CCAR1: variants seen among roughly 807,000 people sequenced by gnomAD.
CCAR1 encodes the protein cell division cycle and apoptosis regulator 1.
In CCAR1, 78 loss-of-function variants were observed where a neutral mutation model predicts 163.8. The observed-to-expected ratio is 0.48, with a 90% CI of 0.40 to 0.57. CCAR1 has a LOEUF of 0.57. CCAR1 is among the 20% of genes least tolerant of loss of function. The pLI is 0.00. For missense variants in CCAR1, 1,019 were observed against 1,365.2 expected (o/e 0.75, Z 4.00); for synonymous variants, 443 against 460.7 (o/e 0.96, Z 0.49).
intron 2 of CCAR1, among the ~76,000 whole-genome samples, chr10:68,724,134 G>A (rs1382527851): frequency 6.8e-6 from 1 of 146,390 alleles, no homozygotes; most frequent in East Asian, 2.1e-4. Flanking sequence ...CTCCAGCCTG[G>A]GCAACAAGAG....
chr10:68,756,562 A>G lies in CCAR1; in HGVS notation c.1836+79A>G. 1 of 1,078,462 alleles carries G rather than the reference A, an allele frequency of 9.3e-7. No individual in the cohort carries two copies. Among genetic ancestry groups the G allele is most frequent in the Non-Finnish European group, 1.4e-6 (1 of 717,286 alleles). The allele number at this position is 1,078,462 out of a possible 1,614,324, so 66.8% of individuals were successfully genotyped here. A position where few individuals can be genotyped will look rare whatever the true frequency, so the allele number is the denominator to read the frequency against. ...CAGGCACAAATGCACACCACACACT[A>G]CATAATAAACACACATGGAGGAACA... On this transcript the variant is annotated intron_variant, in intron 14 of 24. Transcript: ENST00000265872. This position sits in a 1 kb window ranked among gnomAD's most constrained non-coding sequence, Gnocchi z 5.1.
At chr10:68,758,503 AGTGTGTGT>A (rs71028777) in intron 15 of CCAR1, among the ~76,000 whole-genome samples, 2,529 of 124,580 alleles carry the variant, frequency 0.02, 90 homozygotes, top group African/African-American at 0.07. Context: ...CATCCTGGGC[AGTGTGTGT>A]GTGTGTGTGT....
chr10:68,735,756 A>T (rs1340340576), intron 2 of CCAR1: 1 of 152,216 alleles, frequency 6.6e-6, no homozygotes, highest in Admixed American at 6.6e-5. Flanking sequence ...GAAGGGGAAG[A>T]GTAGAACAAG....
chr10:68,745,917 A>G (rs2133343059), intron 6 of CCAR1, among the ~76,000 whole-genome samples: 1 of 152,272 alleles, frequency 6.6e-6, no homozygotes, highest in Admixed American at 6.5e-5. Context: ...CGTTAGAGGC[A>G]TGAACCACTG....
At chr10:68,782,262 G>T (rs1215682953) in intron 19 of CCAR1, among the ~76,000 whole-genome samples, 1 of 152,164 alleles carries the variant, frequency 6.6e-6, no homozygotes, top group Non-Finnish European at 1.5e-5. Context: ...GATTCATGAG[G>T]TTTAAGGAAA....
intron 2 of CCAR1, among the ~76,000 whole-genome samples, chr10:68,733,078 C>T (rs1370655998): frequency 1.3e-5 from 2 of 152,078 alleles, no homozygotes; most frequent in Non-Finnish European, 2.9e-5. Context: ...TATCCTTTCT[C>T]CCTACCTATG....
chr10:68,724,633 A>C (rs1214277396), intron 2 of CCAR1, among the ~76,000 whole-genome samples: 1 of 152,082 alleles, frequency 6.6e-6, no homozygotes, highest in African/African-American at 2.4e-5. Context: ...CAAAAAAAAA[A>C]ATCACCTGGA....
intron 10 of CCAR1, among the ~76,000 whole-genome samples, chr10:68,750,025 G>C (rs1052026320): frequency 1.1e-4 from 16 of 152,000 alleles, no homozygotes; most frequent in Non-Finnish European, 2.1e-4. Flanking sequence ...CAATAATAGA[G>C]TAGTAAACTG....
rs888239393 is a variant in CCAR1, at chr10:68,747,369, TGAA to T, written c.634-1_635del. The stretch of plus-strand genomic sequence containing the variant: ...TTTTCTTATTCTTTCATTTTTTAAT[TGAA>T]GAATCAGTCGCAAACCCAGCCATTA... On this transcript the variant is annotated splice_acceptor_variant and splice_polypyrimidine_tract_variant and intron_variant, in intron 7 of 24. Coordinates refer to ENST00000265872, the MANE Select transcript of CCAR1 (RefSeq NM_018237.4). The T allele has an allele frequency of 1.9e-6, 3 of 1,603,676 alleles. No individual in the cohort carries two copies. The African/African-American group carries it at 4.0e-5, about 22-fold the overall frequency.
At chr10:68,747,025 T>C in intron 6 of CCAR1, 136 bp from the exon 7 acceptor site, 1 of 540,102 alleles carries the variant, frequency 1.9e-6, no homozygotes, top group South Asian at 3.2e-5. Context: ...CAGGCTTCCA[T>C]TTCTGATATA....
chr10:68,753,919 G>C lies in CCAR1; in HGVS notation c.1186G>C (p.Asp396His), dbSNP rs747925847. 6.2e-7 allele frequency: 1 copy of C among 1,613,954 alleles called. No homozygotes were observed. The highest frequency in any genetic ancestry group is 1.1e-5 in the South Asian group (1 of 91,078). ...TTTGTATATACCTAGTGACTTTTTT[G>C]ATGCTCAATTTACATGGGTGGATGC... Reference protein sequence around the residue: ...QNLYIPSDFFDAQFTWVDAFP... With the variant: ...QNLYIPSDFFHAQFTWVDAFP... Residue 396 changes from aspartate (D) to histidine (H), a missense_variant, in exon 11 of 25, where the codon GAT becomes CAT. Transcript: ENST00000265872.
In CCAR1 at chr10:68,749,620, A is replaced by G; in HGVS notation, c.1053A>G (p.Ser351=). 1 of 1,614,060 alleles carries G rather than the reference A, an allele frequency of 6.2e-7. No individual in the cohort carries two copies. The highest frequency in any genetic ancestry group is 1.1e-5 in the South Asian group (1 of 91,086). Residue 351 remains serine, a synonymous_variant, in exon 10 of 25, where the codon TCA becomes TCG. Transcript: ENST00000265872. Reference sequence around the variant, plus strand: ...CTCCACGAAGAGAGCGAGAGCGATCACCTCGGAGAGTTCGACGTGTTGTTC... The same window carrying G: ...CTCCACGAAGAGAGCGAGAGCGATCGCCTCGGAGAGTTCGACGTGTTGTTC... The part of the protein sequence containing the change: ...ERSPRRERER[S]PRRVRRVVPR...
chr10:68,762,370 T>A (rs1207375027), intron 16 of CCAR1, among the ~76,000 whole-genome samples: 3 of 151,520 alleles, frequency 2.0e-5, no homozygotes, highest in African/African-American at 7.3e-5. Flanking sequence ...AAAAAACAGT[T>A]CTAGGTAAAT....
chr10:68,733,823 C>T (rs914001698), intron 2 of CCAR1, among the ~76,000 whole-genome samples: 5 of 152,036 alleles, frequency 3.3e-5, no homozygotes, highest in Non-Finnish European at 5.9e-5. Context: ...GCCACCACAC[C>T]TGGCTAATTT....
At chr10:68,779,358 A>G (rs974138950) in intron 19 of CCAR1, among the ~76,000 whole-genome samples, 2 of 151,894 alleles carry the variant, frequency 1.3e-5, no homozygotes, top group South Asian at 2.1e-4. Context: ...CCCAGGTTCA[A>G]GCGATTCTCG....
At chr10:68,786,307 A>G (rs1721208793) in intron 20 of CCAR1, 89 bp downstream of exon 20, 1 of 960,330 alleles carries the variant, frequency 1.0e-6, no homozygotes, top group Non-Finnish European at 1.6e-6. Flanking sequence ...TAGTCCTTAT[A>G]CATCTTTATT....
At chr10:68,757,943 G>A (rs1457105249) in intron 15 of CCAR1, among the ~76,000 whole-genome samples, 1 of 151,830 alleles carries the variant, frequency 6.6e-6, no homozygotes, top group Non-Finnish European at 1.5e-5. Flanking sequence ...GGGTTTCACC[G>A]TGTTAGCCAT....
chr10:68,769,660 G>A (rs2056577218), intron 17 of CCAR1, among the ~76,000 whole-genome samples: 1 of 151,936 alleles, frequency 6.6e-6, no homozygotes. Context: ...TTATAATATA[G>A]GCCAGGCGTG....
intron 2 of CCAR1, among the ~76,000 whole-genome samples, chr10:68,725,717 A>T (rs2055933883): frequency 6.6e-6 from 1 of 152,188 alleles, no homozygotes; most frequent in South Asian, 2.1e-4. Flanking sequence ...CTTGCTTAAA[A>T]TATCTTTTTT....
Sources: gnomAD v4.1 joint callset for allele counts (sites outside exome capture counted in the v4.1 genomes callset) on GRCh38, gnomAD v4.1.1 for gene constraint, Gnocchi (gnomAD v3.1) non-coding constraint, MANE v1.5 for transcripts, NCBI Gene and HGNC (gene_info 2026-07-23, HGNC 2026-07-21) for gene names.